The following ADAM9 variants were observed in gnomAD, a reference collection of about 807,000 sequenced individuals.
ADAM9 encodes the protein disintegrin and metalloproteinase domain-containing protein 9.
A neutral mutation model predicts 108.1 loss-of-function variants in ADAM9; 54 were observed. The observed-to-expected ratio is 0.50, with a 90% confidence interval of 0.40 to 0.63. ADAM9 has a LOEUF of 0.63. Ranked by LOEUF, ADAM9 falls within the 20% of genes least tolerant of loss-of-function variation. The pLI is 0.00. For missense variants in ADAM9, 830 were observed against 997.7 expected (o/e 0.83, Z 2.26); for synonymous variants, 316 against 336.0 (o/e 0.94, Z 0.65).
intron 16 of ADAM9, among the ~76,000 whole-genome samples, chr8:39,078,656 C>T (rs1343328402): frequency 1.3e-5 from 2 of 152,130 alleles, no homozygotes; most frequent in Admixed American, 6.6e-5. Context: ...TGGTGCATGC[C>T]TGTAGTCCTA....
intron 11 of ADAM9, among the ~76,000 whole-genome samples, chr8:39,035,229 T>C (rs887711638): frequency 6.6e-6 from 1 of 152,234 alleles, no homozygotes; most frequent in African/African-American, 2.4e-5. Context: ...GTTAAACTTA[T>C]CCATTGAATT....
At chr8:39,065,061 A>T (rs967487291) in intron 14 of ADAM9, among the ~76,000 whole-genome samples, 3 of 151,670 alleles carry the variant, frequency 2.0e-5, no homozygotes, top group African/African-American at 7.3e-5. Flanking sequence ...CATTTTTTTT[A>T]GTTCTGGAAA....
At chr8:39,013,938 A>G (rs1206220747) in intron 3 of ADAM9, 27 bp from the exon 4 acceptor site, 1 of 1,557,824 alleles carries the variant, frequency 6.4e-7, no homozygotes, top group Non-Finnish European at 8.9e-7. Flanking sequence ...TAACATATAT[A>G]TAAACGGTGT....
chr8:39,077,210 A>G lies in ADAM9; in HGVS notation c.1698-18A>G, dbSNP rs780708380. The G allele has an allele frequency of 8.7e-6, 14 of 1,613,586 alleles. No individual in the cohort carries two copies. Among genetic ancestry groups the G allele is most frequent in the East Asian group, 2.2e-5 (1 of 44,862 alleles). On this transcript the variant is annotated intron_variant, in intron 15 of 21. Transcript: ENST00000487273. Reference sequence around the variant, plus strand: ...TACTGGATGCATTTTATGTTGCATTATTTCTCTCTCTTTATAGGAATGCTT... The same window carrying G: ...TACTGGATGCATTTTATGTTGCATTGTTTCTCTCTCTTTATAGGAATGCTT...
At position 39,083,127 on chromosome 8, in the gene ADAM9, T is replaced by C. The variant is rs1419971848; in HGVS notation, c.2068+54T>C. 4.3e-6 allele frequency: 6 copies of C among 1,390,410 alleles called. No individual in the cohort carries two copies. The Admixed American group carries it at 8.5e-5, about 20-fold the overall frequency. The allele number at this position is 1,390,410 out of a possible 1,614,324, so 86.1% of individuals were successfully genotyped here. A position where few individuals can be genotyped will look rare whatever the true frequency, so the allele number is the denominator to read the frequency against. ...ATCTCCCAGTGGCCCAAGGCATAAA[T>C]TGGGCATCCTCGTACCTCTCCCTCA... is the stretch of plus-strand genomic sequence containing the variant. On this transcript the variant is annotated intron_variant, in intron 18 of 21. Transcript: ENST00000487273.
intron 14 of ADAM9, among the ~76,000 whole-genome samples, chr8:39,063,548 C>G (rs760600377): frequency 6.6e-6 from 1 of 152,136 alleles, no homozygotes. Flanking sequence ...ATGGCGAAAC[C>G]CTGTCTCCAT....
intron 1 of ADAM9, among the ~76,000 whole-genome samples, chr8:39,003,219 C>G (rs1309380101): frequency 1.3e-5 from 2 of 150,770 alleles, no homozygotes; most frequent in Non-Finnish European, 2.9e-5. Flanking sequence ...TTTTATTTTA[C>G]TTCATTGGCA....
chr8:39,050,326 A>G (rs1837915747), intron 12 of ADAM9, among the ~76,000 whole-genome samples: 1 of 152,106 alleles, frequency 6.6e-6, no homozygotes, highest in Non-Finnish European at 1.5e-5. Flanking sequence ...AATTTCAACC[A>G]CTACCTCTTT....
chr8:39,033,481 G>A (rs969424542), intron 11 of ADAM9, among the ~76,000 whole-genome samples: 1 of 150,270 alleles, frequency 6.7e-6, no homozygotes, highest in East Asian at 1.9e-4. Flanking sequence ...TTTTTTTTTA[G>A]CATTGACAGT....
chr8:39,041,904 T>C (rs769470955), intron 11 of ADAM9, 42 bp from the exon 12 acceptor site: 1 of 1,580,018 alleles, frequency 6.3e-7, no homozygotes, highest in South Asian at 1.1e-5. Flanking sequence ...TCAAAGTGAG[T>C]AATCACTGTG....
chr8:39,008,147 A>G (rs1836224086), intron 2 of ADAM9, among the ~76,000 whole-genome samples, 164 bp downstream of exon 2: 1 of 151,956 alleles, frequency 6.6e-6, no homozygotes, highest in African/African-American at 2.4e-5. Flanking sequence ...TATGCTAGTA[A>G]AAGCAACATA....
chr8:39,035,347 C>T (rs1011595471), intron 11 of ADAM9, among the ~76,000 whole-genome samples: 3 of 152,070 alleles, frequency 2.0e-5, no homozygotes, highest in African/African-American at 7.2e-5. Flanking sequence ...ATGCTTGTCA[C>T]TTTTGTCTCT....
Position 39,103,682 on chromosome 8 carries a change from A to G in ADAM9, c.2442A>G (p.Leu814=). Reference sequence around the variant, plus strand: ...CCCGTCCTGCTCCTGCACCTCCTTTATATAGTTCCCTCACTTGATTTTTTT... The same window carrying G: ...CCCGTCCTGCTCCTGCACCTCCTTTGTATAGTTCCCTCACTTGATTTTTTT... ...IPARPAPAPP[L]YSSLT The change falls in exon 22 of 22, where the codon TTA becomes TTG. Residue 814 remains leucine, a synonymous_variant. Transcript: ENST00000487273. 1 of 1,613,732 alleles carries G rather than the reference A, an allele frequency of 6.2e-7. No homozygotes were observed. Among genetic ancestry groups the G allele is most frequent in the South Asian group, 1.1e-5 (1 of 91,064 alleles).
chr8:39,045,145 T>TGTGC (rs1837632729), intron 12 of ADAM9, among the ~76,000 whole-genome samples: 2 of 103,792 alleles, frequency 1.9e-5, no homozygotes, highest in African/African-American at 3.0e-5. Context: ...CATATATGTG[T>TGTGC]ATATATGTGT....
chr8:39,054,661 C>G, intron 13 of ADAM9, 88 bp downstream of exon 13: 1 of 1,129,692 alleles, frequency 8.9e-7, no homozygotes, highest in Non-Finnish European at 1.2e-6. Context: ...TTTGAGATTT[C>G]TGAGTCAGCA....
chr8:38,997,419 TC>T (rs1001451867), intron 1 of ADAM9, among the ~76,000 whole-genome samples: 4 of 151,666 alleles, frequency 2.6e-5, no homozygotes. Flanking sequence ...GTTCCCAGCG[TC>T]CCCCCATCCC....
intron 10 of ADAM9, among the ~76,000 whole-genome samples, 172 bp from the exon 11 acceptor site, chr8:39,026,505 G>C (rs1411902588): frequency 6.6e-6 from 1 of 152,174 alleles, no homozygotes; most frequent in East Asian, 1.9e-4. Context: ...TGTGATTCAT[G>C]TTACTTTCTT....
intron 14 of ADAM9, among the ~76,000 whole-genome samples, chr8:39,060,437 G>A (rs769500244): frequency 2.0e-5 from 3 of 152,154 alleles, no homozygotes; most frequent in Non-Finnish European, 4.4e-5. Flanking sequence ...GGGTAAATGG[G>A]CCAGAGTTAT....
At chr8:39,000,864 G>A (rs1422701713) in intron 1 of ADAM9, among the ~76,000 whole-genome samples, 1 of 152,088 alleles carries the variant, frequency 6.6e-6, no homozygotes, top group East Asian at 1.9e-4. Context: ...TATGTTTATG[G>A]TAATGTAAGT....
Sources: allele counts gnomAD v4.1 joint callset (sites outside exome capture counted in the v4.1 genomes callset), GRCh38; gene constraint gnomAD v4.1.1; transcripts MANE v1.5; gene names NCBI Gene and HGNC (gene_info 2026-07-23, HGNC 2026-07-21).